Variants in RAPGEF2 observed in about 807,000 individuals in gnomAD.
RAPGEF2 encodes PDZ domain containing guanine nucleotide exchange factor (GEF) 1.
Under a neutral mutation model 186.7 loss-of-function variants are expected in RAPGEF2, and 54 were observed. The ratio of observed to expected loss-of-function variants is 0.29; its 90% CI spans 0.23 to 0.36. The LOEUF (loss-of-function observed/expected upper bound fraction) is 0.36, where lower values mean the gene tolerates loss of function less well. Ranked by LOEUF, RAPGEF2 falls within the 10% of genes least tolerant of loss-of-function variation. The pLI is 1.00. For synonymous variants in RAPGEF2, 712 were observed against 705.9 expected (o/e 1.01, Z -0.14); for missense variants, 1,532 against 2,045.0 (o/e 0.75, Z 4.84).
chr4:159,347,628 G>C (rs4575956), intron 25 of RAPGEF2, among the ~76,000 whole-genome samples: 1 of 151,976 alleles, frequency 6.6e-6, no homozygotes, highest in Non-Finnish European at 1.5e-5. Flanking sequence ...ACTAAAAATA[G>C]AAAAAATTAG....
chr4:159,231,339 A>G (rs1002917947), intron 4 of RAPGEF2, among the ~76,000 whole-genome samples: 1 of 152,088 alleles, frequency 6.6e-6, no homozygotes, highest in African/African-American at 2.4e-5. Context: ...TAAGCAATGC[A>G]TGACTGTATG....
rs61748172 is a variant in RAPGEF2 at position 159,355,881 on chromosome 4, C to A, written c.4680C>A (p.Pro1560=). 4 of 1,511,990 alleles carry A rather than the reference C, an allele frequency of 2.6e-6. No homozygotes were observed. The highest frequency in any genetic ancestry group is 3.6e-6 in the Non-Finnish European group (4 of 1,114,182). The allele number at this position is 1,511,990 out of a possible 1,614,324, so 93.7% of individuals were successfully genotyped here. A position where few individuals can be genotyped will look rare whatever the true frequency, so the allele number is the denominator to read the frequency against. ...GAAAGGAGGGCAGGTATCGAGAGCCCCCGCCCACCCCTCCCGGCTACATTG... is the reference window on the plus strand; with the variant it reads ...GAAAGGAGGGCAGGTATCGAGAGCCACCGCCCACCCCTCCCGGCTACATTG... ...IARKEGRYRE[P]PPTPPGYIGI... Residue 1560 remains proline (P), a synonymous_variant, in exon 29 of 30, where the codon CCC becomes CCA. Coordinates refer to ENST00000691494, the MANE Select transcript of RAPGEF2 (RefSeq NM_001394067.2).
Position 159,322,407 on chromosome 4 carries a change from G to A in RAPGEF2, c.914G>A (p.Arg305Lys). Residue 305 changes from arginine (R) to lysine (K), a missense_variant, in exon 10 of 30, where the codon AGG becomes AAG. This residue lies in a region of RAPGEF2 where 810 missense variants were observed against 1,210.5 expected (regional missense o/e 0.67). Transcript: ENST00000691494. ...TTTGCCAATATGACAATGTCAGTGA[G>A]GCGAGAACTCTGTGCTGTGATGGTG... ...PAFANMTMSV[R>K]RELCAVMVFA... The A allele has an allele frequency of 6.2e-7, 1 of 1,613,964 alleles. No homozygotes were observed. The highest frequency in any genetic ancestry group is 8.5e-7 in the Non-Finnish European group (1 of 1,179,906).
intron 17 of RAPGEF2, among the ~76,000 whole-genome samples, chr4:159,337,910 A>AAAAAAAAAAAAAAAAAAAAAAAAAAC (rs1767681602): frequency 7.0e-6 from 1 of 143,108 alleles, no homozygotes; most frequent in Non-Finnish European, 1.5e-5. Flanking sequence ...AAAAAAAAAA[A>AAAAAAAAAAAAAAAAAAAAAAAAAAC]AAAGAAAGAA....
chr4:159,221,090 G>A (rs1326066390), intron 4 of RAPGEF2, among the ~76,000 whole-genome samples: 1 of 152,148 alleles, frequency 6.6e-6, no homozygotes, highest in Non-Finnish European at 1.5e-5. Context: ...AAAGGCAAAT[G>A]GTGTTGGCTG....
intron 1 of RAPGEF2, among the ~76,000 whole-genome samples, chr4:159,130,263 C>CT (rs1740881218): frequency 6.6e-6 from 1 of 152,174 alleles, no homozygotes; most frequent in South Asian, 2.1e-4. Flanking sequence ...GTGGTGACCT[C>CT]TTATCTCATC....
chr4:159,278,186 A>G (rs1161282170), intron 7 of RAPGEF2, among the ~76,000 whole-genome samples: 2 of 152,146 alleles, frequency 1.3e-5, no homozygotes, highest in Admixed American at 6.5e-5. Context: ...TCCCAGTACC[A>G]TCTGTTAAAT....
intron 4 of RAPGEF2, among the ~76,000 whole-genome samples, chr4:159,235,153 T>C (rs936907075): frequency 6.6e-6 from 1 of 152,238 alleles, no homozygotes; most frequent in African/African-American, 2.4e-5. Flanking sequence ...TTCTGTGTTT[T>C]TCCCCTTAGA....
intron 1 of RAPGEF2, chr4:159,128,797 A>G (rs922532465): frequency 5.4e-5 from 8 of 149,372 alleles, no homozygotes; most frequent in Admixed American, 2.7e-4. Flanking sequence ...AGCTGAACCA[A>G]AAGTTCTTCA....
intron 7 of RAPGEF2, among the ~76,000 whole-genome samples, chr4:159,270,649 T>C (rs1561182860): frequency 6.6e-6 from 1 of 152,228 alleles, no homozygotes; most frequent in Non-Finnish European, 1.5e-5. Flanking sequence ...ATTTGTTGTC[T>C]GTCTCATTCA....
intron 4 of RAPGEF2, among the ~76,000 whole-genome samples, chr4:159,220,568 G>A (rs1003970290): frequency 2.0e-5 from 3 of 152,134 alleles, no homozygotes; most frequent in African/African-American, 4.8e-5. Flanking sequence ...CTTCCAACAC[G>A]CTCTACAGTT....
chr4:159,209,617 AAAATTTGTCAATATTTGTT>A (rs1457346263), intron 3 of RAPGEF2, among the ~76,000 whole-genome samples: 1 of 152,240 alleles, frequency 6.6e-6, no homozygotes, highest in African/African-American at 2.4e-5. Flanking sequence ...CCTTCCACAT[AAAATTTGTCAATATTTGTT>A]AAATTATAAC....
chr4:159,138,418 A>G (rs1553998422), intron 1 of RAPGEF2, among the ~76,000 whole-genome samples: 1 of 152,234 alleles, frequency 6.6e-6, no homozygotes, highest in Non-Finnish European at 1.5e-5. Flanking sequence ...TCACTGCCAC[A>G]TTGAATAAAG....
At chr4:159,226,199 A>C (rs1478261969) in intron 4 of RAPGEF2, among the ~76,000 whole-genome samples, 1 of 152,168 alleles carries the variant, frequency 6.6e-6, no homozygotes, top group African/African-American at 2.4e-5. Context: ...TTCTTCCTAC[A>C]GATATTCAGT....
At chr4:159,291,012 T>C (rs1761137145) in intron 7 of RAPGEF2, among the ~76,000 whole-genome samples, 1 of 152,230 alleles carries the variant, frequency 6.6e-6, no homozygotes, top group African/African-American at 2.4e-5. Context: ...TGGATATCTT[T>C]GTCACAGAAG....
intron 4 of RAPGEF2, among the ~76,000 whole-genome samples, chr4:159,227,224 T>C (rs530826707): frequency 8.5e-5 from 13 of 152,354 alleles, no homozygotes; most frequent in African/African-American, 2.9e-4. Flanking sequence ...TCTTACTTGC[T>C]TAGGGCCAAT....
At chr4:159,351,095 G>C in intron 26 of RAPGEF2, 1 of 1,534,650 alleles carries the variant, frequency 6.5e-7, no homozygotes, top group Non-Finnish European at 8.7e-7. Flanking sequence ...TTTGGCTCCG[G>C]GCAGTTGGAC....
chr4:159,116,234 T>C (rs1290492037), intron 1 of RAPGEF2, among the ~76,000 whole-genome samples: 1 of 151,782 alleles, frequency 6.6e-6, no homozygotes, highest in East Asian at 1.9e-4. Flanking sequence ...ATAAACAAAT[T>C]TAGAAGAAAA....
intron 3 of RAPGEF2, among the ~76,000 whole-genome samples, chr4:159,207,515 C>T (rs1382543414): frequency 6.6e-6 from 1 of 152,204 alleles, no homozygotes; most frequent in East Asian, 1.9e-4. Flanking sequence ...TAATCTAGAT[C>T]ATGGTGCCAT....
Sources: allele counts gnomAD v4.1 joint callset (sites outside exome capture counted in the v4.1 genomes callset), GRCh38; gene constraint gnomAD v4.1.1; regional missense constraint gnomAD v4.1.1; transcripts MANE v1.5; gene names NCBI Gene and HGNC (gene_info 2026-07-23, HGNC 2026-07-21).